The following DGKI variants were observed in gnomAD, a reference collection of about 807,000 sequenced individuals.
DGKI encodes the protein DAG kinase iota.
Under a neutral mutation model 147.5 loss-of-function variants are expected in DGKI, and 55 were observed. That is an observed-to-expected ratio of 0.37 (90% CI 0.30 to 0.47). The LOEUF (loss-of-function observed/expected upper bound fraction) is 0.47, where lower values mean the gene tolerates loss of function less well. Ranked by LOEUF, DGKI falls within the 20% of genes least tolerant of loss-of-function variation. The pLI is 1.00. For missense variants in DGKI, 1,007 were observed against 1,323.8 expected (o/e 0.76, Z 3.71); for synonymous variants, 469 against 477.1 (o/e 0.98, Z 0.22).
intron 1 of DGKI, among the ~76,000 whole-genome samples, chr7:137,808,876 A>G (rs943202037): frequency 3.9e-5 from 6 of 152,152 alleles, no homozygotes; most frequent in African/African-American, 1.4e-4. Context: ...ACATGGCAAC[A>G]TTAGAGGTTC....
chr7:137,692,038 C>T (rs1367300175), intron 1 of DGKI, among the ~76,000 whole-genome samples: 1 of 152,058 alleles, frequency 6.6e-6, no homozygotes, highest in Non-Finnish European at 1.5e-5. Context: ...TTCACCAAGG[C>T]AAATAATTAG....
chr7:137,580,569 AT>A (rs769036330), intron 15 of DGKI, among the ~76,000 whole-genome samples: 12 of 152,146 alleles, frequency 7.9e-5, no homozygotes, highest in Non-Finnish European at 1.6e-4. Flanking sequence ...TTGGCACAGA[AT>A]TTGACCTTTA....
intron 12 of DGKI, among the ~76,000 whole-genome samples, chr7:137,596,001 C>CAAAAAAAAAAAAAAAAAAAA (rs71177914): frequency 2.0e-4 from 9 of 44,396 alleles, no homozygotes; most frequent in Admixed American, 4.4e-4. Context: ...GACTCCGTCT[C>CAAAAAAAAAAAAAAAAAAAA]AAAAAAAAAA....
intron 21 of DGKI, among the ~76,000 whole-genome samples, chr7:137,497,067 C>T (rs13340510): frequency 1.3e-5 from 2 of 150,296 alleles, no homozygotes; most frequent in Non-Finnish European, 3.0e-5. Flanking sequence ...ATCTGACAAA[C>T]GTGTAATATC....
At chr7:137,812,830 G>C (rs1372374142) in intron 1 of DGKI, among the ~76,000 whole-genome samples, 1 of 152,172 alleles carries the variant, frequency 6.6e-6, no homozygotes, top group African/African-American at 2.4e-5. Context: ...TTGCGCCTTT[G>C]TGTGATACTA....
intron 8 of DGKI, among the ~76,000 whole-genome samples, chr7:137,612,874 G>A (rs1820413127): frequency 6.6e-6 from 1 of 152,120 alleles, no homozygotes; most frequent in African/African-American, 2.4e-5. Context: ...ACCCTCACTT[G>A]GATTTTTGCA....
chr7:137,605,126 A>G (rs1820130578), intron 10 of DGKI, among the ~76,000 whole-genome samples: 1 of 151,824 alleles, frequency 6.6e-6, no homozygotes, highest in Non-Finnish European at 1.5e-5. Flanking sequence ...TGGCCAACAT[A>G]GTGAAACCCC....
chr7:137,602,227 T>C (rs112218418), intron 10 of DGKI, among the ~76,000 whole-genome samples: 3,627 of 152,314 alleles, frequency 0.024, 153 homozygotes, highest in African/African-American at 0.082. Flanking sequence ...TTTCCACCTG[T>C]GCTATAGTAG....
intron 27 of DGKI, among the ~76,000 whole-genome samples, chr7:137,445,753 A>G (rs2128918225): frequency 6.6e-6 from 1 of 152,332 alleles, no homozygotes; most frequent in Middle Eastern, 3.4e-3. Context: ...GCTGCAAGGA[A>G]AAGTCCTAGA....
At chr7:137,568,942 G>A (rs1818687127) in intron 19 of DGKI, among the ~76,000 whole-genome samples, 1 of 150,372 alleles carries the variant, frequency 6.7e-6, no homozygotes, top group Non-Finnish European at 1.5e-5. Flanking sequence ...ACCCATACCA[G>A]AAAAGACTAC....
chr7:137,846,146 C>CTCTT lies in DGKI; in HGVS notation c.401+315_401+316insAAGA, dbSNP rs1798711802. On this transcript the variant is annotated intron_variant, in intron 1 of 32. Transcript: ENST00000614521. This position sits in a 1 kb window ranked among gnomAD's most constrained non-coding sequence, Gnocchi z 4.0. ...TCTCTCTCTCTCTTTCTCTCTCTCT[C>CTCTT]TCTCTCTCTCTCTCTCACACACACA... 7.3e-6 allele frequency among the ~76,000 whole-genome samples: 1 copy of CTCTT among 136,294 alleles called. No homozygotes were observed. Among genetic ancestry groups the CTCTT allele is most frequent in the African/African-American group, 3.1e-5 (1 of 32,386 alleles). The allele number at this position is 136,294 out of a possible 152,430, so 89.4% of individuals were successfully genotyped here.
At chr7:137,798,128 T>G (rs1234903695) in intron 1 of DGKI, among the ~76,000 whole-genome samples, 1 of 152,030 alleles carries the variant, frequency 6.6e-6, no homozygotes, top group East Asian at 1.9e-4. Context: ...CATAAACTAC[T>G]GAGACTGACT....
intron 1 of DGKI, among the ~76,000 whole-genome samples, chr7:137,723,328 A>T (rs1794621731): frequency 6.6e-6 from 1 of 152,332 alleles, no homozygotes; most frequent in South Asian, 2.1e-4. Context: ...TTATATGTGC[A>T]AACTCTGCTC....
intron 28 of DGKI, among the ~76,000 whole-genome samples, chr7:137,434,682 A>G (rs553230828): frequency 3.3e-5 from 5 of 152,168 alleles, no homozygotes; most frequent in African/African-American, 1.2e-4. Context: ...CCAACAAAGC[A>G]TTCCAGAAAA....
intron 5 of DGKI, among the ~76,000 whole-genome samples, chr7:137,645,872 C>A (rs887915996): frequency 1.3e-5 from 2 of 152,188 alleles, no homozygotes; most frequent in African/African-American, 4.8e-5. Context: ...AAACATGAAT[C>A]TACGTGGACA....
At chr7:137,463,122 G>T (rs145979628) in intron 27 of DGKI, among the ~76,000 whole-genome samples, 1 of 152,142 alleles carries the variant, frequency 6.6e-6, no homozygotes, top group South Asian at 2.1e-4. Context: ...GAAAAACCAC[G>T]TGTCACTTTC....
chr7:137,525,978 A>C (rs1324399525), intron 20 of DGKI, among the ~76,000 whole-genome samples: 1 of 151,944 alleles, frequency 6.6e-6, no homozygotes, highest in Non-Finnish European at 1.5e-5. Context: ...GCCAACTAAA[A>C]ACATGAAAAC....
intron 1 of DGKI, among the ~76,000 whole-genome samples, chr7:137,793,980 T>A (rs1008244164): frequency 6.6e-6 from 1 of 152,234 alleles, no homozygotes; most frequent in African/African-American, 2.4e-5. Flanking sequence ...TTGCATCAAT[T>A]CCCATAATTC....
intron 23 of DGKI, among the ~76,000 whole-genome samples, chr7:137,481,708 A>C (rs1815378553): frequency 6.6e-6 from 1 of 152,222 alleles, no homozygotes; most frequent in African/African-American, 2.4e-5. Context: ...GAAATGCTTA[A>C]GTGGCGAGAA....
Sources: gnomAD v4.1 joint callset for allele counts (sites outside exome capture counted in the v4.1 genomes callset) on GRCh38, gnomAD v4.1.1 for gene constraint, Gnocchi (gnomAD v3.1) non-coding constraint, MANE v1.5 for transcripts, NCBI Gene and HGNC (gene_info 2026-07-23, HGNC 2026-07-21) for gene names.